The following MRPS35 variants were observed in gnomAD, a reference collection of about 807,000 sequenced individuals.
MRPS35 encodes the protein mitochondrial ribosomal protein S35, also known as small ribosomal subunit protein mS35.
Under a neutral mutation model 32.7 loss-of-function variants are expected in MRPS35, and 29 were observed. That is an observed-to-expected ratio of 0.89 (90% CI 0.66 to 1.21). The LOEUF (loss-of-function observed/expected upper bound fraction) is 1.21, where lower values mean the gene tolerates loss of function less well. Ranked by LOEUF, MRPS35 falls within the 50% of genes most tolerant of loss-of-function variation. The probability of loss-of-function intolerance (pLI) is 0.00; values close to 1 mark genes in which losing one functional copy is unlikely to be tolerated. For missense variants in MRPS35, 373 were observed against 383.8 expected, an observed-to-expected ratio of 0.97 and a Z score of 0.23; for synonymous variants, 148 against 139.3, an observed-to-expected ratio of 1.06 and a Z score of -0.44.
rs565926283 is a variant in MRPS35 at position 27,720,386 on chromosome 12, C to A, written c.382+518C>A. Reference sequence around the variant, plus strand: ...TCCAGCCTGGGCAACAAGAGGGAAACGCCATCTCAAAAAAAAAAAAAAAGA... The same window carrying A: ...TCCAGCCTGGGCAACAAGAGGGAAAAGCCATCTCAAAAAAAAAAAAAAAGA... On this transcript the variant is annotated intron_variant, in intron 4 of 7. Coordinates refer to ENST00000081029, the MANE Select transcript of MRPS35 (RefSeq NM_021821.4). Among the ~76,000 whole-genome samples, 98 of 139,264 alleles carry A rather than the reference C, an allele frequency of 7.0e-4. 1 individual carries two copies. Among genetic ancestry groups the A allele is most frequent in the Non-Finnish European group, 1.3e-3 (81 of 63,818 alleles). 91.4% of individuals were successfully genotyped at this position (139,264 alleles called of 152,430 possible). A position where few individuals can be genotyped will look rare whatever the true frequency, so the allele number is the denominator to read the frequency against.
At chr12:27,753,774 G>A (rs1368373723) in intron 7 of MRPS35, among the ~76,000 whole-genome samples, 1 of 152,132 alleles carries the variant, frequency 6.6e-6, no homozygotes, top group African/African-American at 2.4e-5. Flanking sequence ...TTACTTATTA[G>A]CTGTATTGCT....
rs553877071 is a variant in MRPS35, at chr12:27,735,457, C to T, written c.533C>T (p.Ser178Phe). 1 of 1,602,608 alleles carries T rather than the reference C, an allele frequency of 6.2e-7. No individual in the cohort carries two copies. The highest frequency in any genetic ancestry group is 8.5e-7 in the Non-Finnish European group (1 of 1,175,422). Residue 178 changes from serine (S) to phenylalanine (F), a missense_variant, in exon 6 of 8, where the codon TCC (serine) becomes TTC (phenylalanine). By Grantham distance (155) the Ser-to-Phe change is radical. Transcript: ENST00000081029. ...ARVVVLRVKLSSLNLDDHAKK... is the reference protein window; with the variant it reads ...ARVVVLRVKLFSLNLDDHAKK... ...TTTCTTATTTTTAAGGTAAAGCTTTCCAGTTTGAATTTAGATGATCACGCA... is the reference window on the plus strand; with the variant it reads ...TTTCTTATTTTTAAGGTAAAGCTTTTCAGTTTGAATTTAGATGATCACGCA...
intron 1 of MRPS35, among the ~76,000 whole-genome samples, chr12:27,713,767 T>C (rs776495678): frequency 6.6e-6 from 1 of 152,102 alleles, no homozygotes; most frequent in Non-Finnish European, 1.5e-5. Context: ...GTCTATGTAT[T>C]CCTCAATCCA....
In MRPS35 at chr12:27,724,047, A is replaced by G; in HGVS notation, c.383A>G (p.Asp128Gly). The G allele has an allele frequency of 6.2e-7, 1 of 1,601,068 alleles. No individual in the cohort carries two copies. Among genetic ancestry groups the G allele is most frequent in the Non-Finnish European group, 8.5e-7 (1 of 1,177,074 alleles). The change falls in exon 5 of 8, where the codon GAT becomes GGT. Residue 128 changes from aspartate to glycine, a missense_variant and splice_region_variant. Physicochemically the swap from Asp to Gly is moderately conservative, Grantham distance 94. Transcript: ENST00000081029. ...TTGAAATTATTTCTTTTATTCTCAG[A>G]TTTTTGCACTGAGTGGCCAGCCGCA... is the stretch of plus-strand genomic sequence containing the variant. ...AIKKHCEALK[D>G]FCTEWPAALD...
intron 7 of MRPS35, among the ~76,000 whole-genome samples, chr12:27,750,722 A>G (rs2061998578): frequency 6.6e-6 from 1 of 152,184 alleles, no homozygotes; most frequent in Non-Finnish European, 1.5e-5. Context: ...AGGGGATTGC[A>G]TGAGCTTAGG....
In MRPS35 at chr12:27,720,415, C is replaced by T. The variant is rs181300333; in HGVS notation, c.382+547C>T. Among the ~76,000 whole-genome samples, 337 of 144,186 alleles carry T rather than the reference C, an allele frequency of 2.3e-3. 1 individual carries two copies. The highest frequency in any genetic ancestry group is 7.6e-3 in the African/African-American group (305 of 39,896). The allele number at this position is 144,186 out of a possible 152,430, so 94.6% of individuals were successfully genotyped here. A position where few individuals can be genotyped will look rare whatever the true frequency, so the allele number is the denominator to read the frequency against. ...ATCTCAAAAAAAAAAAAAAAGAAAACAAACATGTTCCATATAAGAAGACTA... is the reference window on the plus strand; with the variant it reads ...ATCTCAAAAAAAAAAAAAAAGAAAATAAACATGTTCCATATAAGAAGACTA... On this transcript the variant is annotated intron_variant, in intron 4 of 7. Coordinates refer to ENST00000081029, the MANE Select transcript of MRPS35 (RefSeq NM_021821.4).
Position 27,755,510 on chromosome 12 carries a change from T to A in MRPS35, c.*60T>A, listed in dbSNP as rs2062023038. The A allele has an allele frequency of 7.4e-6, 10 of 1,357,114 alleles. No individual in the cohort carries two copies. Among genetic ancestry groups the A allele is most frequent in the Admixed American group, 5.4e-5 (2 of 36,854 alleles). 84.1% of individuals were successfully genotyped at this position (1,357,114 alleles called of 1,614,324 possible). A position where few individuals can be genotyped will look rare whatever the true frequency, so the allele number is the denominator to read the frequency against. ...TTTTATGATATATGTGATCAGTATC[T>A]AATTTGATATAAAATTGAAAATGTT... On this transcript the variant is annotated 3_prime_UTR_variant, in exon 8 of 8. Coordinates refer to ENST00000081029, the MANE Select transcript of MRPS35 (RefSeq NM_021821.4).
intron 7 of MRPS35, among the ~76,000 whole-genome samples, chr12:27,753,689 G>C (rs2062015163): frequency 6.6e-6 from 1 of 151,832 alleles, no homozygotes; most frequent in Admixed American, 6.6e-5. Flanking sequence ...GCAGCCTGTA[G>C]CTCAGAATAT....
intron 3 of MRPS35, among the ~76,000 whole-genome samples, chr12:27,717,815 A>G (rs1303098383): frequency 6.6e-6 from 1 of 152,228 alleles, no homozygotes; most frequent in Non-Finnish European, 1.5e-5. Flanking sequence ...CAAACATTTA[A>G]TGCATGCCAT....
At chr12:27,719,592 G>T (rs1157353513) in intron 3 of MRPS35, among the ~76,000 whole-genome samples, 3 of 151,554 alleles carry the variant, frequency 2.0e-5, no homozygotes, top group East Asian at 1.9e-4. Context: ...CGTGAACCCG[G>T]GAAGCGGAGC....
chr12:27,710,910 T>G lies in MRPS35; in HGVS notation c.67T>G (p.Ser23Ala), dbSNP rs943051900. The G allele has an allele frequency of 6.2e-7, 1 of 1,613,220 alleles. No homozygotes were observed. The highest frequency in any genetic ancestry group is 1.7e-5 in the Admixed American group (1 of 60,020). Reference sequence around the variant, plus strand: ...GAGGGCAAGGACTCTGCGTGCATTCTCCACTGCCGTCTACTCGGCCACTCC... The same window carrying G: ...GAGGGCAAGGACTCTGCGTGCATTCGCCACTGCCGTCTACTCGGCCACTCC... ...QSRARTLRAF[S>A]TAVYSATPVP... The change falls in exon 1 of 8, where the codon TCC becomes GCC. Residue 23 changes from serine (S) to alanine (A), a missense_variant. Transcript: ENST00000081029.
intron 5 of MRPS35, among the ~76,000 whole-genome samples, chr12:27,734,802 C>A (rs1289360307): frequency 6.6e-6 from 1 of 152,126 alleles, no homozygotes; most frequent in Non-Finnish European, 1.5e-5. Flanking sequence ...CCTTAAAAAA[C>A]CCAATTTACC....
chr12:27,721,495 A>G (rs1369168550), intron 4 of MRPS35, among the ~76,000 whole-genome samples: 3 of 152,018 alleles, frequency 2.0e-5, no homozygotes, highest in African/African-American at 4.8e-5. Context: ...CCATCTCTAC[A>G]AAAAACACAA....
At chr12:27,721,237 A>C (rs1031447441) in intron 4 of MRPS35, among the ~76,000 whole-genome samples, 1 of 152,208 alleles carries the variant, frequency 6.6e-6, no homozygotes, top group African/African-American at 2.4e-5. Context: ...GAAATGAGGG[A>C]GGAAAAATCT....
chr12:27,722,925 C>G (rs1253982443), intron 4 of MRPS35, among the ~76,000 whole-genome samples: 1 of 152,042 alleles, frequency 6.6e-6, no homozygotes, highest in Non-Finnish European at 1.5e-5. Flanking sequence ...ATCGTTAGCC[C>G]AAGGAAATGT....
intron 3 of MRPS35, 62 bp downstream of exon 3, chr12:27,716,520 C>T (rs2061851804): frequency 3.9e-6 from 6 of 1,547,670 alleles, no homozygotes; most frequent in African/African-American, 2.9e-5. Flanking sequence ...GATCTTCCCC[C>T]CTATTTCTGC....
rs1389939022 is a variant in MRPS35 at position 27,733,036 on chromosome 12, A to ATC, written c.523-2410_523-2409insCT. On this transcript the variant is annotated intron_variant, in intron 5 of 7. Coordinates refer to ENST00000081029, the MANE Select transcript of MRPS35 (RefSeq NM_021821.4). ...TATATATATATATATATATATATAT[A>ATC]TATATCCAGCACCTCCTGTGATTTG... 2.3e-4 allele frequency among the ~76,000 whole-genome samples: 14 copies of ATC among 61,770 alleles called. 1 individual carries two copies. The East Asian group carries it at 4.2e-3, about 19-fold the overall frequency. The allele number at this position is 61,770 out of a possible 152,430, so 40.5% of individuals were successfully genotyped here.
chr12:27,723,970 G>A, intron 4 of MRPS35, 77 bp from the exon 5 acceptor site: 1 of 1,382,694 alleles, frequency 7.2e-7, no homozygotes, highest in South Asian at 1.4e-5. Context: ...TCAGTAATTT[G>A]GTATTGTCTA....
intron 6 of MRPS35, among the ~76,000 whole-genome samples, chr12:27,736,879 T>C (rs929413613): frequency 6.6e-6 from 1 of 152,164 alleles, no homozygotes; most frequent in Non-Finnish European, 1.5e-5. Context: ...CTTATTTTTA[T>C]TTTTAAATTT....
Sources: gnomAD v4.1 joint callset for allele counts (sites outside exome capture counted in the v4.1 genomes callset) on GRCh38, gnomAD v4.1.1 for gene constraint, MANE v1.5 for transcripts, NCBI Gene and HGNC (gene_info 2026-07-23, HGNC 2026-07-21) for gene names.